The following MYO9A variants were observed in gnomAD, a reference collection of about 807,000 sequenced individuals.
The protein encoded by MYO9A is myosin IXA.
A neutral mutation model predicts 293.3 loss-of-function variants in MYO9A; 103 were observed. The ratio of observed to expected loss-of-function variants is 0.35; its 90% CI spans 0.30 to 0.41. The LOEUF is 0.41. MYO9A is among the 10% of genes least tolerant of loss of function. MYO9A has a pLI of 1.00. For synonymous variants in MYO9A, 1,001 were observed against 1,035.7 expected, an observed-to-expected ratio of 0.97 and a Z score of 0.64; for missense variants, 2,685 against 3,033.0, an observed-to-expected ratio of 0.89 and a Z score of 2.69.
chr15:71,899,969 C>G lies in MYO9A; in HGVS notation c.3188G>C (p.Arg1063Thr). ...WRNYLNQKQV[R>T]DAAVQKDAFV... ...AGCATCCTTCTGCACAGCTGCATCTCTGACTTGCTTCTGATTTAGGTAATT... is the reference window on the plus strand; with the variant it reads ...AGCATCCTTCTGCACAGCTGCATCTGTGACTTGCTTCTGATTTAGGTAATT... The change falls in exon 24 of 42, where the codon AGA (arginine) becomes ACA (threonine). Residue 1063 changes from arginine (R) to threonine (T), a missense_variant. Arg to Thr is a moderately conservative substitution (Grantham distance 71). Coordinates refer to ENST00000356056, the MANE Select transcript of MYO9A (RefSeq NM_006901.4). The G allele has an allele frequency of 6.2e-7, 1 of 1,612,498 alleles. No homozygotes were observed. Among genetic ancestry groups the G allele is most frequent in the East Asian group, 2.2e-5 (1 of 44,804 alleles).
intron 1 of MYO9A, 122 bp downstream of exon 1, chr15:72,117,558 G>A: frequency 2.7e-6 from 1 of 370,052 alleles, no homozygotes; most frequent in Non-Finnish European, 4.8e-6. Flanking sequence ...GCTCGGCGCA[G>A]ACCCGCTCGC....
intron 39 of MYO9A, among the ~76,000 whole-genome samples, chr15:71,832,861 CAT>C (rs1490537382): frequency 1.3e-5 from 2 of 152,068 alleles, no homozygotes; most frequent in African/African-American, 2.4e-5. Context: ...GGAACAAAAT[CAT>C]ATCACAGTAA....
intron 8 of MYO9A, among the ~76,000 whole-genome samples, chr15:72,001,777 T>C (rs888264400): frequency 6.6e-6 from 1 of 152,164 alleles, no homozygotes; most frequent in African/African-American, 2.4e-5. Flanking sequence ...ATTTGAGGCA[T>C]ATTAACTTCA....
chr15:71,918,678 T>G (rs1174986301), intron 18 of MYO9A, among the ~76,000 whole-genome samples: 1 of 152,220 alleles, frequency 6.6e-6, no homozygotes, highest in African/African-American at 2.4e-5. Context: ...TACCCTTATG[T>G]GAAAACAAAT....
At position 71,994,432 on chromosome 15, in the gene MYO9A, T is replaced by C; in HGVS notation, c.1587+37A>G. The C allele has an allele frequency of 2.3e-6, 3 of 1,314,474 alleles. No individual in the cohort carries two copies. In the South Asian group the frequency reaches 4.2e-5, roughly 19 times the overall value. The allele number at this position is 1,314,474 out of a possible 1,614,324, so 81.4% of individuals were successfully genotyped here. On this transcript the variant is annotated intron_variant, in intron 10 of 41. Coordinates refer to ENST00000356056, the MANE Select transcript of MYO9A (RefSeq NM_006901.4). ...ATTAACCAGTTTATTAAAATAGCTT[T>C]CAGGGAAAAACATATTATAATCCAA... is the stretch of plus-strand genomic sequence containing the variant.
At chr15:72,051,792 G>A (rs1031141189) in intron 1 of MYO9A, among the ~76,000 whole-genome samples, 1 of 152,160 alleles carries the variant, frequency 6.6e-6, no homozygotes, top group Non-Finnish European at 1.5e-5. Context: ...GGGCAGCTCA[G>A]TACCTGTAGG....
intron 32 of MYO9A, among the ~76,000 whole-genome samples, chr15:71,869,622 C>G (rs530298186): frequency 6.6e-5 from 10 of 152,228 alleles, no homozygotes; most frequent in African/African-American, 2.4e-4. Context: ...TCTCTTGCAA[C>G]TTTTCTATAA....
At chr15:71,985,598 G>A (rs534954770) in intron 11 of MYO9A, among the ~76,000 whole-genome samples, 2 of 152,220 alleles carry the variant, frequency 1.3e-5, no homozygotes, top group African/African-American at 4.8e-5. Context: ...AGAAAACCCT[G>A]CTCAATTCCT....
chr15:72,000,496 T>A (rs1048160224), intron 8 of MYO9A, among the ~76,000 whole-genome samples: 2 of 152,238 alleles, frequency 1.3e-5, no homozygotes, highest in African/African-American at 4.8e-5. Context: ...TTTCACATTA[T>A]CATTTCAGTT....
At chr15:71,849,149 C>G (rs1364307028) in intron 38 of MYO9A, among the ~76,000 whole-genome samples, 181 bp from the exon 39 acceptor site, 1 of 152,154 alleles carries the variant, frequency 6.6e-6, no homozygotes, top group African/African-American at 2.4e-5. Flanking sequence ...ACTTTAGAAG[C>G]CATCTAAAGA....
chr15:71,907,032 C>A (rs1476086109), intron 19 of MYO9A, among the ~76,000 whole-genome samples: 3 of 148,568 alleles, frequency 2.0e-5, no homozygotes, highest in African/African-American at 5.0e-5. Flanking sequence ...CATGCTGGTG[C>A]GCTGCCCCCA....
intron 1 of MYO9A, among the ~76,000 whole-genome samples, chr15:72,087,346 C>T (rs766555078): frequency 6.6e-6 from 1 of 152,236 alleles, no homozygotes; most frequent in Non-Finnish European, 1.5e-5. Context: ...ACTATAGACA[C>T]TCCTGCACCA....
At chr15:71,834,298 A>C (rs2054850167) in intron 39 of MYO9A, among the ~76,000 whole-genome samples, 1 of 152,176 alleles carries the variant, frequency 6.6e-6, no homozygotes, top group Non-Finnish European at 1.5e-5. Context: ...TGTGAATAAT[A>C]TTAAAGAAAT....
chr15:71,851,915 CAG>C (rs1332883972), intron 36 of MYO9A, among the ~76,000 whole-genome samples: 4 of 152,152 alleles, frequency 2.6e-5, no homozygotes, highest in African/African-American at 9.7e-5. Flanking sequence ...GTGTCTCACT[CAG>C]AAAATTTTTA....
chr15:72,008,035 T>C, intron 7 of MYO9A, 83 bp from the exon 8 acceptor site: 1 of 1,470,438 alleles, frequency 6.8e-7, no homozygotes, highest in Non-Finnish European at 9.1e-7. Context: ...TTAAGCAAAT[T>C]AACCTACAAA....
At chr15:72,037,898 CAA>C (rs1262922990) in intron 2 of MYO9A, among the ~76,000 whole-genome samples, 1 of 150,046 alleles carries the variant, frequency 6.7e-6, no homozygotes, top group Non-Finnish European at 1.5e-5. Context: ...ACTTACTAGG[CAA>C]AGACTATCAG....
chr15:71,878,729 T>C (rs2056773102), intron 30 of MYO9A, among the ~76,000 whole-genome samples: 1 of 148,138 alleles, frequency 6.8e-6, no homozygotes, highest in Non-Finnish European at 1.5e-5. Flanking sequence ...TTTATTTAAA[T>C]GAGATCTGGA....
chr15:71,863,268 T>C (rs1200573460), intron 32 of MYO9A, among the ~76,000 whole-genome samples: 1 of 151,998 alleles, frequency 6.6e-6, no homozygotes, highest in Non-Finnish European at 1.5e-5. Context: ...CAGGAAACTT[T>C]TACAGTTGAA....
intron 4 of MYO9A, among the ~76,000 whole-genome samples, chr15:72,026,747 G>C (rs903391532): frequency 6.6e-6 from 1 of 152,074 alleles, no homozygotes; most frequent in Non-Finnish European, 1.5e-5. Flanking sequence ...AAATTCAGGA[G>C]TGAATGAAAG....
Sources: gnomAD v4.1 joint callset for allele counts (sites outside exome capture counted in the v4.1 genomes callset) on GRCh38, gnomAD v4.1.1 for gene constraint, MANE v1.5 for transcripts, NCBI Gene and HGNC (gene_info 2026-07-23, HGNC 2026-07-21) for gene names.